Variants in NKPD1 observed in about 807,000 individuals in gnomAD.
NKPD1 encodes NTPase KAP family P-loop domain-containing protein 1.
Under a neutral mutation model 42.2 loss-of-function variants are expected in NKPD1, and 37 were observed. The observed-to-expected ratio is 0.88, with a 90% CI of 0.67 to 1.15. The LOEUF (loss-of-function observed/expected upper bound fraction) is 1.15. Ranked by LOEUF, NKPD1 falls within the 50% of genes most tolerant of loss-of-function variation. The pLI is 0.00. For synonymous variants in NKPD1, 552 were observed against 536.5 expected (o/e 1.03, Z -0.40); for missense variants, 1,113 against 1,174.6 (o/e 0.95, Z 0.77).
upstream of NKPD1, among the ~76,000 whole-genome samples, chr19:45,162,202 G>A (rs1205404165): frequency 6.6e-6 from 1 of 152,206 alleles, no homozygotes; most frequent in Non-Finnish European, 1.5e-5. Flanking sequence ...GTGGCCAGGA[G>A]GCTGCTGGAC....
rs1233836744 is a variant in NKPD1 at position 45,151,614 on chromosome 19, G to T, written c.*324C>A. ...GAGTAAGTGGGCTTAGCAGGATGGGGCAGGCCCTGTGGCAGGACGGGGCAG... is the reference window on the plus strand; with the variant it reads ...GAGTAAGTGGGCTTAGCAGGATGGGTCAGGCCCTGTGGCAGGACGGGGCAG... On this transcript the variant is annotated 3_prime_UTR_variant, in exon 5 of 5. Coordinates refer to ENST00000686631, the MANE Select transcript of NKPD1 (RefSeq NM_198478.4). 1 of 297,780 alleles carries T rather than the reference G, an allele frequency of 3.4e-6. No homozygotes were observed. Among genetic ancestry groups the T allele is most frequent in the Non-Finnish European group, 6.2e-6 (1 of 161,838 alleles). 18.4% of individuals were successfully genotyped at this position (297,780 alleles called of 1,614,324 possible).
chr19:45,156,902 G>A (rs570653954), intron 3 of NKPD1, among the ~76,000 whole-genome samples: 2 of 152,198 alleles, frequency 1.3e-5, no homozygotes, highest in Non-Finnish European at 2.9e-5. Context: ...TTCTACTGAG[G>A]TGTGGGTAGG....
At position 45,153,795 on chromosome 19, in the gene NKPD1, G is replaced by A. The variant is rs1252828972; in HGVS notation, c.662-20C>T. 10 of 1,424,556 alleles carry A rather than the reference G, an allele frequency of 7.0e-6. No individual in the cohort carries two copies. The Admixed American group carries it at 8.0e-5, about 11-fold the overall frequency. 88.2% of individuals were successfully genotyped at this position (1,424,556 alleles called of 1,614,324 possible). A position where few individuals can be genotyped will look rare whatever the true frequency, so the allele number is the denominator to read the frequency against. ...TCAGCGCTGCGGGAAGGGAGCCCGG[G>A]AGCCGCGTGAGCCGCAGACCCGCCG... On this transcript the variant is annotated intron_variant, in intron 4 of 4. Coordinates refer to ENST00000686631, the MANE Select transcript of NKPD1 (RefSeq NM_198478.4).
rs758114827 is a variant in NKPD1 at position 45,152,485 on chromosome 19, C to T, written c.1952G>A (p.Arg651His). 3 of 1,552,906 alleles carry T rather than the reference C, an allele frequency of 1.9e-6. No homozygotes were observed. The highest frequency in any genetic ancestry group is 1.9e-5 in the Admixed American group (1 of 52,990). The stretch of plus-strand genomic sequence containing the variant: ...GAGCACCACCCACGCCACCGCCTGG[C>T]GCGGCGTGGGGCCCCCAAAGTCCCC... ...QQGDFGGPTP[R>H]QAVAWVVLAN... is the part of the protein sequence containing the mutation. Residue 651 changes from arginine (R) to histidine (H), a missense_variant, in exon 5 of 5, where the codon CGC becomes CAC. This residue lies in a region of NKPD1 where 867 missense variants were observed against 870.1 expected (regional missense o/e 1.00). Coordinates refer to ENST00000686631, the MANE Select transcript of NKPD1 (RefSeq NM_198478.4).
In NKPD1 at chr19:45,153,541, G is replaced by A. The variant is rs758927626; in HGVS notation, c.896C>T (p.Thr299Met). Reference sequence around the variant, plus strand: ...GTGGCGGCGGATGCCCTCGCACAACGTGGTCACCAGGCCGGCCCACAGCTT... The same window carrying A: ...GTGGCGGCGGATGCCCTCGCACAACATGGTCACCAGGCCGGCCCACAGCTT... The part of the protein sequence containing the change: ...TDKLWAGLVT[T>M]LCEGIRRHYG... Residue 299 changes from threonine (T) to methionine (M), a missense_variant, in exon 5 of 5, where the codon ACG becomes ATG. Thr to Met is a moderately conservative substitution (Grantham distance 81). Transcript: ENST00000686631. The A allele has an allele frequency of 1.3e-6, 2 of 1,551,578 alleles. No homozygotes were observed. Among genetic ancestry groups the A allele is most frequent in the East Asian group, 2.4e-5 (1 of 42,412 alleles).
In NKPD1 at chr19:45,152,189, T is replaced by C; in HGVS notation, c.2248A>G (p.Ile750Val). ...CGGATGAGACCCATGCGCCGGCGGA[T>C]GGAGTGGTCCAGGTTGACCGTGCAG... ...LRCTVNLDHS[I>V]RRRMGLIRAV... The change falls in exon 5 of 5, where the codon ATC becomes GTC. Residue 750 changes from isoleucine (I) to valine (V), a missense_variant. Physicochemically the swap from Ile to Val is conservative, Grantham distance 29. Transcript: ENST00000686631. 7 of 1,595,766 alleles carry C rather than the reference T, an allele frequency of 4.4e-6. No individual in the cohort carries two copies. Among genetic ancestry groups the C allele is most frequent in the Non-Finnish European group, 6.0e-6 (7 of 1,172,716 alleles).
rs546801416 is a variant in NKPD1 at position 45,157,631 on chromosome 19, G to T, written c.529+1032C>A. Among the ~76,000 whole-genome samples the T allele has an allele frequency of 1.1e-4, 16 of 151,862 alleles. No individual in the cohort carries two copies. The South Asian group carries it at 3.3e-3, about 32-fold the overall frequency. On this transcript the variant is annotated intron_variant, in intron 3 of 4. Transcript: ENST00000686631. ...GGGCATAACTATGCTGCCCAGGCTG[G>T]TCTGGAACTCCTGGCCTCAAGCGAT...
At chr19:45,159,184 A>G in intron 2 of NKPD1, 84 bp from the exon 3 acceptor site, 1 of 1,198,868 alleles carries the variant, frequency 8.3e-7, no homozygotes, top group Non-Finnish European at 1.1e-6. Context: ...GTCTTCAGGT[A>G]GAACCTGGGG....
At position 45,153,067 on chromosome 19, in the gene NKPD1, T is replaced by C; in HGVS notation, c.1370A>G (p.Glu457Gly). Reference protein sequence around the residue: ...YQRRRLRVVLEVTGLDTCYPE... With the variant: ...YQRRRLRVVLGVTGLDTCYPE... ...GTAGCACGTGTCCAGCCCGGTGACC[T>C]CCAGCACCACGCGCAGCCTGCGCCG... Residue 457 changes from glutamate to glycine, a missense_variant, in exon 5 of 5, where the codon GAG becomes GGG. Glu to Gly is a moderately conservative substitution (Grantham distance 98, BLOSUM62 -2). Transcript: ENST00000686631. The C allele has an allele frequency of 6.3e-7, 1 of 1,581,322 alleles. No homozygotes were observed. Among genetic ancestry groups the C allele is most frequent in the Non-Finnish European group, 8.6e-7 (1 of 1,164,158 alleles).
rs1968779555 is a variant in NKPD1 at position 45,151,658 on chromosome 19, T to G, written c.*280A>C. 2.5e-6 allele frequency: 1 copy of G among 398,438 alleles called. No individual in the cohort carries two copies. The highest frequency in any genetic ancestry group is 4.5e-6 in the Non-Finnish European group (1 of 224,218). The allele number at this position is 398,438 out of a possible 1,614,324, so 24.7% of individuals were successfully genotyped here. A position where few individuals can be genotyped will look rare whatever the true frequency, so the allele number is the denominator to read the frequency against. On this transcript the variant is annotated 3_prime_UTR_variant, in exon 5 of 5. Transcript: ENST00000686631. ...GGGGCAGGCCTGGTCCCTGGTCAGA[T>G]CAGGATGCGGAGAGCAACTCCGGGC...
rs908728035 is a variant in NKPD1, at chr19:45,151,782, G to A, written c.*156C>T. 3.9e-6 allele frequency: 3 copies of A among 762,902 alleles called. No homozygotes were observed. The highest frequency in any genetic ancestry group is 5.9e-6 in the Non-Finnish European group (3 of 510,282). 47.3% of individuals were successfully genotyped at this position (762,902 alleles called of 1,614,324 possible). A position where few individuals can be genotyped will look rare whatever the true frequency, so the allele number is the denominator to read the frequency against. On this transcript the variant is annotated 3_prime_UTR_variant, in exon 5 of 5. Coordinates refer to ENST00000686631, the MANE Select transcript of NKPD1 (RefSeq NM_198478.4). ...CACCGGCTTGTGGCCGCACTCCTTG[G>A]AAGCTATGTCCACGGCTCTGGCTCA...
At position 45,152,371 on chromosome 19, in the gene NKPD1, C is replaced by G; in HGVS notation, c.2066G>C (p.Arg689Pro). The G allele has an allele frequency of 6.3e-7, 1 of 1,592,764 alleles. No homozygotes were observed. The highest frequency in any genetic ancestry group is 1.1e-5 in the South Asian group (1 of 88,662). ...GTTGTCGCGGAAAACGTCCCAGAGG[C>G]GCGCGCGGCCCTCGGGCGCGCCCCC... The part of the protein sequence containing the change: ...QTGGAPEGRA[R>P]LWDVFRDNSR... Residue 689 changes from arginine to proline, a missense_variant, in exon 5 of 5, where the codon CGC becomes CCC. Physicochemically the swap from Arg to Pro is moderately radical, Grantham distance 103. Coordinates refer to ENST00000686631, the MANE Select transcript of NKPD1 (RefSeq NM_198478.4).
intron 1 of NKPD1, among the ~76,000 whole-genome samples, 115 bp from the exon 2 acceptor site, chr19:45,160,336 G>A (rs1422695909): frequency 6.6e-6 from 1 of 152,206 alleles, no homozygotes; most frequent in Non-Finnish European, 1.5e-5. Context: ...GGAGAAGGGG[G>A]TAGAGGTGGC....
At position 45,151,942 on chromosome 19, in the gene NKPD1, G is replaced by A. The variant is rs763484409; in HGVS notation, c.2495C>T (p.Pro832Leu). The A allele has an allele frequency of 6.4e-7, 1 of 1,556,084 alleles. No individual in the cohort carries two copies. Among genetic ancestry groups the A allele is most frequent in the Non-Finnish European group, 8.7e-7 (1 of 1,147,550 alleles). The part of the protein sequence containing the change: ...FRPGQSSPGG[P>L] ...GCTGCCCGCCAAGTCCTCCATTTAAGGCCCACCTGGGCTGGATTGCCCTGG... is the reference window on the plus strand; with the variant it reads ...GCTGCCCGCCAAGTCCTCCATTTAAAGCCCACCTGGGCTGGATTGCCCTGG... Residue 832 changes from proline (P) to leucine (L), a missense_variant, in exon 5 of 5, where the codon CCT becomes CTT. Coordinates refer to ENST00000686631, the MANE Select transcript of NKPD1 (RefSeq NM_198478.4).
At chr19:45,155,760 C>A (rs372843048) in intron 4 of NKPD1, 25 bp downstream of exon 4, 8 of 1,287,906 alleles carry the variant, frequency 6.2e-6, no homozygotes, top group African/African-American at 1.5e-5. Context: ...CATCCTCCCC[C>A]CAACAAACAC....
chr19:45,158,711 G>T lies in NKPD1; in HGVS notation c.481C>A (p.Pro161Thr). 1 of 1,199,098 alleles carries T rather than the reference G, an allele frequency of 8.3e-7. No individual in the cohort carries two copies. The allele number at this position is 1,199,098 out of a possible 1,614,324, so 74.3% of individuals were successfully genotyped here. ...LKPSEPTDAR[P>T]LPAPAACGSF... ...CCACAGGCCGCTGGGGCGGGCAGGG[G>T]CCGGGCATCAGTGGGCTCGCTGGGC... is the stretch of plus-strand genomic sequence containing the variant. Residue 161 changes from proline to threonine, a missense_variant, in exon 3 of 5, where the codon CCC becomes ACC. Pro to Thr is a conservative substitution (Grantham distance 38). Around this residue, in one of 3 missense-constraint regions of NKPD1, gnomAD observed 204 missense variants for 227.8 expected, o/e 0.90. Coordinates refer to ENST00000686631, the MANE Select transcript of NKPD1 (RefSeq NM_198478.4). This position sits in a 1 kb window ranked among gnomAD's most constrained non-coding sequence, Gnocchi z 4.6.
chr19:45,153,666 C>A lies in NKPD1; in HGVS notation c.771G>T (p.Leu257=). The A allele has an allele frequency of 6.4e-7, 1 of 1,574,630 alleles. No individual in the cohort carries two copies. The highest frequency in any genetic ancestry group is 8.6e-7 in the Non-Finnish European group (1 of 1,160,382). ...GWGVPQLLWY[L]VFLQPIITEV... ...CGGTGATGATGGGCTGCAGGAACAC[C>A]AGGTACCACAGTAGCTGCGGGACGC... The change falls in exon 5 of 5, where the codon CTG becomes CTT. Residue 257 remains leucine, a synonymous_variant. Coordinates refer to ENST00000686631, the MANE Select transcript of NKPD1 (RefSeq NM_198478.4).
upstream of NKPD1, among the ~76,000 whole-genome samples, chr19:45,161,857 G>A (rs2122807375): frequency 6.6e-6 from 1 of 152,300 alleles, no homozygotes; most frequent in Middle Eastern, 3.4e-3. Context: ...GCTCCGATGG[G>A]GATGGGGGAG....
chr19:45,162,229 G>A (rs116601408), upstream of NKPD1, among the ~76,000 whole-genome samples: 1,294 of 152,312 alleles, frequency 8.5e-3, 20 homozygotes, highest in African/African-American at 0.029. Context: ...GGGAGCAGGC[G>A]TTTGGGGAGT....
Sources: gnomAD v4.1 joint callset for allele counts (sites outside exome capture counted in the v4.1 genomes callset) on GRCh38, gnomAD v4.1.1 for gene constraint, gnomAD v4.1.1 regional missense constraint, Gnocchi (gnomAD v3.1) non-coding constraint, MANE v1.5 for transcripts, NCBI Gene and HGNC (gene_info 2026-07-23, HGNC 2026-07-21) for gene names.